Variants in TUT4 observed in about 807,000 individuals in gnomAD.
TUT4 encodes terminal uridylyltransferase 4.
Under a neutral mutation model 192.2 loss-of-function variants are expected in TUT4, and 36 were observed. The ratio of observed to expected loss-of-function variants is 0.19; its 90% CI spans 0.14 to 0.25. The LOEUF (loss-of-function observed/expected upper bound fraction) is 0.25, where lower values mean the gene tolerates loss of function less well. Among genes scored for constraint, TUT4 ranks in the 10% least tolerant of loss-of-function variants. The pLI is 1.00. For synonymous variants in TUT4, 618 were observed against 666.0 expected (o/e 0.93, Z 1.11); for missense variants, 1,493 against 1,957.2 (o/e 0.76, Z 4.47).
At chr1:52,461,092 A>T in intron 19 of TUT4, 42 bp downstream of exon 19, 1 of 1,449,428 alleles carries the variant, frequency 6.9e-7, no homozygotes, top group East Asian at 2.3e-5. Flanking sequence ...TTTCATTTTA[A>T]TTATCATGAA....
rs374102350 is a variant in TUT4, at chr1:52,467,026, T to A, written c.2965+1155A>T. Among the ~76,000 whole-genome samples the A allele has an allele frequency of 2.2e-4, 34 of 152,144 alleles. No individual in the cohort carries two copies. The East Asian group carries it at 2.5e-3, about 11-fold the overall frequency. ...TAAGCATGGTGGCACACACCTGTAG[T>A]CCTAACGACTTGGGAGGCTAAGGCA... On this transcript the variant is annotated intron_variant, in intron 15 of 29. Transcript: ENST00000257177.
chr1:52,439,460 T>C (rs1654850721), intron 24 of TUT4, among the ~76,000 whole-genome samples: 1 of 152,222 alleles, frequency 6.6e-6, no homozygotes. Flanking sequence ...CTTCTAAACT[T>C]TAGCTTAGTT....
rs1662405794 is a variant in TUT4, at chr1:52,461,022, T to C, written c.3321+112A>G. On this transcript the variant is annotated intron_variant, in intron 19 of 29. Transcript: ENST00000257177. ...CTATATAATACTGAAAGTTTCTTTT[T>C]TAAAAGCTCAGATAAACAAAACTGA... is the stretch of plus-strand genomic sequence containing the variant. The C allele has an allele frequency of 4.9e-6, 4 of 824,382 alleles. No individual in the cohort carries two copies. In the East Asian group the frequency reaches 7.7e-5, roughly 16 times the overall value. 51.1% of individuals were successfully genotyped at this position (824,382 alleles called of 1,614,324 possible). A position where few individuals can be genotyped will look rare whatever the true frequency, so the allele number is the denominator to read the frequency against.
Position 52,526,060 on chromosome 1 carries a change from T to G in TUT4, c.221A>C (p.Lys74Thr), listed in dbSNP as rs201947618. 12 of 1,611,220 alleles carry G rather than the reference T, an allele frequency of 7.4e-6. 1 individual carries two copies. The highest frequency in any genetic ancestry group is 1.0e-5 in the Non-Finnish European group (12 of 1,179,236). Residue 74 changes from lysine (K) to threonine (T), a missense_variant, in exon 2 of 30, where the codon AAA becomes ACA. Around this residue, in one of 7 missense-constraint regions of TUT4, gnomAD observed 260 missense variants for 247.8 expected, o/e 1.05. Coordinates refer to ENST00000257177, the MANE Select transcript of TUT4 (RefSeq NM_001009881.3). The part of the protein sequence containing the change: ...CIEKTEVKSC[K>T]VNAANLPGPK... ...ACCTGGAAGGTTGGCAGCATTTACT[T>G]TACATGATTTAACTTCTGTTTTTTC... is the stretch of plus-strand genomic sequence containing the variant.
chr1:52,436,689 T>G, intron 26 of TUT4, 66 bp downstream of exon 26: 1 of 1,599,638 alleles, frequency 6.3e-7, no homozygotes, highest in Non-Finnish European at 8.5e-7. Context: ...TTAGGGTCAT[T>G]TAGCATGCAA....
chr1:52,478,584 G>C lies in TUT4; in HGVS notation c.1849-702C>G, dbSNP rs150460980. ...CACCTGGCCACTGGGTCCATGCGGTGAATCCCTATACTATACTGCCACCTA... is the reference window on the plus strand; with the variant it reads ...CACCTGGCCACTGGGTCCATGCGGTCAATCCCTATACTATACTGCCACCTA... On this transcript the variant is annotated intron_variant, in intron 11 of 29. Coordinates refer to ENST00000257177, the MANE Select transcript of TUT4 (RefSeq NM_001009881.3). Among the ~76,000 whole-genome samples the C allele has an allele frequency of 9.0e-3, 1,369 of 152,242 alleles. 22 individuals are homozygous for C. Among genetic ancestry groups the C allele is most frequent in the African/African-American group, 0.029 (1,222 of 41,548 alleles).
intron 29 of TUT4, chr1:52,424,478 C>T (rs1649138393): frequency 6.4e-6 from 1 of 155,416 alleles, no homozygotes; most frequent in Non-Finnish European, 1.4e-5. Flanking sequence ...TCAGCATTTC[C>T]TGAGTGCCTG....
intron 3 of TUT4, among the ~76,000 whole-genome samples, chr1:52,510,889 G>A (rs762035871): frequency 1.7e-4 from 26 of 152,096 alleles, no homozygotes; most frequent in Non-Finnish European, 2.5e-4. Flanking sequence ...AACATTCTAC[G>A]CAGATTACAC....
rs768927879 is a variant in TUT4, at chr1:52,474,896, T to C, written c.2663A>G (p.Asp888Gly). The change falls in exon 13 of 30, where the codon GAT becomes GGT. Residue 888 changes from aspartate to glycine, a missense_variant. By Grantham distance (94) the Asp-to-Gly change is moderately conservative. This residue lies in a region of TUT4 where 245 missense variants were observed against 218.4 expected (regional missense o/e 1.12). Transcript: ENST00000257177. ...ATEDASDLND[D>G]DNLPTQELYY... ...TAATTCCTGGGTGGGGAGGTTATCA[T>C]CATCATTAAGGTCAGAAGCATCTTC... 18 of 1,613,830 alleles carry C rather than the reference T, an allele frequency of 1.1e-5. No individual in the cohort carries two copies. The highest frequency in any genetic ancestry group is 1.4e-5 in the Non-Finnish European group (17 of 1,180,014).
At chr1:52,539,724 T>C (rs1285973950) in intron 1 of TUT4, among the ~76,000 whole-genome samples, 2 of 150,928 alleles carry the variant, frequency 1.3e-5, no homozygotes, top group Non-Finnish European at 2.9e-5. Flanking sequence ...CCTGACAACA[T>C]GGTGAAACCC....
In TUT4 at chr1:52,442,810, A is replaced by G. The variant is rs1458975275; in HGVS notation, c.3822+2977T>C. 3.3e-5 allele frequency among the ~76,000 whole-genome samples: 5 copies of G among 152,204 alleles called. No individual in the cohort carries two copies. The East Asian group carries it at 9.6e-4, about 29-fold the overall frequency. ...TTGAAAGAGAATAAAATAAATCAAA[A>G]AATGATTAGCAGACTCATGGGCCCC... On this transcript the variant is annotated intron_variant, in intron 24 of 29. Transcript: ENST00000257177.
intron 24 of TUT4, among the ~76,000 whole-genome samples, chr1:52,440,192 A>C (rs1047667230): frequency 6.6e-6 from 1 of 152,214 alleles, no homozygotes; most frequent in African/African-American, 2.4e-5. Flanking sequence ...CTAAAATTAA[A>C]TTGTGGGGAC....
chr1:52,426,979 A>G (rs1331040345), intron 28 of TUT4, among the ~76,000 whole-genome samples: 1 of 152,196 alleles, frequency 6.6e-6, no homozygotes, highest in Non-Finnish European at 1.5e-5. Flanking sequence ...TGTAGCTTTA[A>G]TAACAATTAT....
intron 27 of TUT4, 154 bp downstream of exon 27, chr1:52,435,211 C>T (rs1257415888): frequency 2.1e-6 from 1 of 476,084 alleles, no homozygotes; most frequent in Non-Finnish European, 3.6e-6. Context: ...AAAAGGAATG[C>T]TCATTCCACC....
At chr1:52,518,400 C>A (rs1405990538) in intron 2 of TUT4, among the ~76,000 whole-genome samples, 3 of 152,214 alleles carry the variant, frequency 2.0e-5, no homozygotes, top group African/African-American at 7.2e-5. Flanking sequence ...GGGCTCTCTC[C>A]TGGGTTGCAA....
At chr1:52,458,809 C>T (rs570406720) in intron 19 of TUT4, among the ~76,000 whole-genome samples, 1 of 152,258 alleles carries the variant, frequency 6.6e-6, no homozygotes, top group South Asian at 2.1e-4. Flanking sequence ...TACAAAAGCA[C>T]ATTTTCTTTG....
At chr1:52,531,209 A>T (rs1037262085) in intron 1 of TUT4, among the ~76,000 whole-genome samples, 1 of 151,964 alleles carries the variant, frequency 6.6e-6, no homozygotes, top group Non-Finnish European at 1.5e-5. Flanking sequence ...ATATCTTAAT[A>T]ATTATCAAGA....
At chr1:52,457,525 C>T (rs563605560) in intron 20 of TUT4, among the ~76,000 whole-genome samples, 1 of 152,302 alleles carries the variant, frequency 6.6e-6, no homozygotes, top group Admixed American at 6.5e-5. Context: ...TGAGCCACCA[C>T]GCCCAGCCTA....
chr1:52,475,476 A>G lies in TUT4; in HGVS notation c.2083T>C (p.Tyr695His), dbSNP rs763785878. The change falls in exon 13 of 30, where the codon TAT becomes CAT. Residue 695 changes from tyrosine (Y) to histidine (H), a missense_variant. Coordinates refer to ENST00000257177, the MANE Select transcript of TUT4 (RefSeq NM_001009881.3). Reference protein sequence around the residue: ...RSLNSQLVYEYVVERFRAAYR... With the variant: ...RSLNSQLVYEHVVERFRAAYR... ...GCTGCCCTAAATCTCTCCACAACAT[A>G]TTCGTAAACCAGCTGGCTGTTTAAG... 1 of 1,614,090 alleles carries G rather than the reference A, an allele frequency of 6.2e-7. No homozygotes were observed. Among genetic ancestry groups the G allele is most frequent in the Non-Finnish European group, 8.5e-7 (1 of 1,180,022 alleles).
Sources: allele counts gnomAD v4.1 joint callset (sites outside exome capture counted in the v4.1 genomes callset), GRCh38; gene constraint gnomAD v4.1.1; regional missense constraint gnomAD v4.1.1; transcripts MANE v1.5; gene names NCBI Gene and HGNC (gene_info 2026-07-23, HGNC 2026-07-21).